XPR1: variants seen among roughly 807,000 people sequenced by gnomAD.
XPR1 encodes the protein xenotropic and polytropic retrovirus receptor 1.
In XPR1, 28 loss-of-function variants were observed where a neutral mutation model predicts 87.5. The ratio of observed to expected loss-of-function variants is 0.32; its 90% CI spans 0.24 to 0.44. XPR1 has a LOEUF of 0.44. XPR1 is among the 20% of genes least tolerant of loss of function. The pLI, the probability that XPR1 is intolerant of heterozygous loss-of-function variation, is 1.00. For synonymous variants in XPR1, 300 were observed against 306.1 expected (o/e 0.98, Z 0.21); for missense variants, 559 against 862.3 (o/e 0.65, Z 4.41).
At chr1:180,698,794 T>C (rs1196540674) in intron 2 of XPR1, among the ~76,000 whole-genome samples, 5 of 152,238 alleles carry the variant, frequency 3.3e-5, no homozygotes, top group Non-Finnish European at 7.3e-5. Flanking sequence ...TATTCTTGGC[T>C]GGCAGGTTTT....
Position 180,880,293 on chromosome 1 carries a change from T to G in XPR1, c.2026T>G (p.Ser676Ala). The G allele has an allele frequency of 6.2e-7, 1 of 1,614,200 alleles. No homozygotes were observed. Among genetic ancestry groups the G allele is most frequent in the African/African-American group, 1.3e-5 (1 of 75,054 alleles). ...ATCCCTGCGCCGGCCTCGCCTCGCT[T>G]CTCAGTATGTATGGCTTCTACTTCT... ...SISLRRPRLA[S>A]QSKARDTKVL... The change falls in exon 14 of 15, where the codon TCT becomes GCT. Residue 676 changes from serine to alanine, a missense_variant. This residue lies in a region of XPR1 where 80 missense variants were observed against 99.5 expected (regional missense o/e 0.80). Coordinates refer to ENST00000367590, the MANE Select transcript of XPR1 (RefSeq NM_004736.4).
chr1:180,728,781 T>C (rs1319280056), intron 2 of XPR1, among the ~76,000 whole-genome samples: 1 of 152,228 alleles, frequency 6.6e-6, no homozygotes, highest in Non-Finnish European at 1.5e-5. Flanking sequence ...CTTCACATTG[T>C]TTCCCTAATT....
intron 3 of XPR1, among the ~76,000 whole-genome samples, chr1:180,798,123 T>G (rs528786109): frequency 6.6e-6 from 1 of 152,042 alleles, no homozygotes; most frequent in East Asian, 1.9e-4. Context: ...AACACTAAAG[T>G]GATACATAAA....
In XPR1 at chr1:180,884,105, C is replaced by T; in HGVS notation, c.*39C>T. 6.3e-7 allele frequency: 1 copy of T among 1,596,836 alleles called. No individual in the cohort carries two copies. The highest frequency in any genetic ancestry group is 8.6e-7 in the Non-Finnish European group (1 of 1,165,890). On this transcript the variant is annotated 3_prime_UTR_variant, in exon 15 of 15. Coordinates refer to ENST00000367590, the MANE Select transcript of XPR1 (RefSeq NM_004736.4). ...TAGCTTAACATCTTTGGTTTTCCTA[C>T]TCTACAATCCTTTCCTCGACCAACG...
chr1:180,763,921 A>G lies in XPR1; in HGVS notation c.122-23832A>G, dbSNP rs61811194. ...TACACAATAACCCTTTAATCAAAAC[A>G]TAGAATTGTAGGTTGTTGCTGTTGT... On this transcript the variant is annotated intron_variant, in intron 2 of 14. Coordinates refer to ENST00000367590, the MANE Select transcript of XPR1 (RefSeq NM_004736.4). Among the ~76,000 whole-genome samples the G allele has an allele frequency of 7.5e-3, 1,136 of 152,326 alleles. 11 individuals carry two copies. Among genetic ancestry groups the G allele is most frequent in the African/African-American group, 0.025 (1,032 of 41,564 alleles).
At chr1:180,769,585 TC>T (rs1246865258) in intron 2 of XPR1, among the ~76,000 whole-genome samples, 1 of 152,104 alleles carries the variant, frequency 6.6e-6, no homozygotes, top group East Asian at 1.9e-4. Context: ...GATCTCCAGT[TC>T]CATCCATGTT....
chr1:180,853,791 G>GTT (rs374408714), intron 11 of XPR1, among the ~76,000 whole-genome samples: 2,406 of 109,372 alleles, frequency 0.022, 54 homozygotes, highest in African/African-American at 0.025. Flanking sequence ...CATTCATGTG[G>GTT]TTTTTTTTTT....
intron 7 of XPR1, among the ~76,000 whole-genome samples, chr1:180,820,937 G>A (rs1346629584): frequency 6.6e-6 from 1 of 151,372 alleles, no homozygotes; most frequent in African/African-American, 2.4e-5. Flanking sequence ...TTGTTAAGTT[G>A]TAAGAGTTCT....
At position 180,672,187 on chromosome 1, in the gene XPR1, A is replaced by G. The variant is rs1326719661; in HGVS notation, c.70-10173A>G. Among the ~76,000 whole-genome samples the G allele has an allele frequency of 4.6e-5, 7 of 152,290 alleles. No homozygotes were observed. The South Asian group carries it at 1.4e-3, about 32-fold the overall frequency. On this transcript the variant is annotated intron_variant, in intron 1 of 14. Transcript: ENST00000367590. Reference sequence around the variant, plus strand: ...TGATTCCTCCTATTACAGATTACATATATCTTATATATTTAATATACATTT... The same window carrying G: ...TGATTCCTCCTATTACAGATTACATGTATCTTATATATTTAATATACATTT...
intron 3 of XPR1, among the ~76,000 whole-genome samples, chr1:180,795,437 T>C (rs1413938007): frequency 6.6e-6 from 1 of 152,206 alleles, no homozygotes; most frequent in Non-Finnish European, 1.5e-5. Context: ...TGTTCTCATA[T>C]TCAGGTCACT....
At chr1:180,796,473 T>C (rs1367962683) in intron 3 of XPR1, among the ~76,000 whole-genome samples, 1 of 152,182 alleles carries the variant, frequency 6.6e-6, no homozygotes, top group Non-Finnish European at 1.5e-5. Flanking sequence ...AAGAGAGTCA[T>C]TACTTTAAAG....
At chr1:180,661,134 A>G (rs982998504) in intron 1 of XPR1, among the ~76,000 whole-genome samples, 1 of 151,410 alleles carries the variant, frequency 6.6e-6, no homozygotes, top group South Asian at 2.1e-4. Flanking sequence ...TTGTTTTGGA[A>G]TCTTTGGTGT....
intron 9 of XPR1, among the ~76,000 whole-genome samples, chr1:180,826,324 T>C (rs1650834363): frequency 6.6e-6 from 1 of 151,824 alleles, no homozygotes; most frequent in Middle Eastern, 3.2e-3. Context: ...CTGAGGTGAG[T>C]GGATCCCTTG....
intron 2 of XPR1, among the ~76,000 whole-genome samples, chr1:180,729,219 C>T (rs1194658464): frequency 1.3e-5 from 2 of 152,308 alleles, no homozygotes; most frequent in Admixed American, 6.5e-5. Flanking sequence ...ATATGTATCA[C>T]ATTTTTAAAA....
chr1:180,697,767 T>C (rs1360164904), intron 2 of XPR1, among the ~76,000 whole-genome samples: 1 of 152,186 alleles, frequency 6.6e-6, no homozygotes, highest in Non-Finnish European at 1.5e-5. Flanking sequence ...GAAGTTCCTC[T>C]TGTTATTGAT....
rs1367406191 is a variant in XPR1, at chr1:180,889,925, T to C, written c.*5859T>C. 1 of 152,224 alleles carries C rather than the reference T, an allele frequency of 6.6e-6. No homozygotes were observed. Among genetic ancestry groups the C allele is most frequent in the Non-Finnish European group, 1.5e-5 (1 of 68,046 alleles). 9.4% of individuals were successfully genotyped at this position (152,224 alleles called of 1,614,324 possible). On this transcript the variant is annotated 3_prime_UTR_variant, in exon 15 of 15. Transcript: ENST00000367590. ...TGTGGGTGCTTCCTTCCCTCTTTTT[T>C]CTCCCTCACTCTCTTTCTCAGTCTC...
chr1:180,825,495 C>T (rs1386047386), intron 9 of XPR1, 151 bp downstream of exon 9: 8 of 725,374 alleles, frequency 1.1e-5, no homozygotes, highest in Non-Finnish European at 1.6e-5. Context: ...AAAAAGTACT[C>T]ACGTATATTT....
Position 180,863,870 on chromosome 1 carries a change from A to C in XPR1, c.1664A>C (p.Gln555Pro). The C allele has an allele frequency of 1.3e-6, 2 of 1,593,776 alleles. No homozygotes were observed. Among genetic ancestry groups the C allele is most frequent in the Non-Finnish European group, 1.7e-6 (2 of 1,172,854 alleles). ...CTCCGGGAAGAGATTGTATACCCCC[A>C]AAAAGTATGTATAAAGAGTGTGTTT... Reference protein sequence around the residue: ...TFLREEIVYPQKAYYYCAIIE... With the variant: ...TFLREEIVYPPKAYYYCAIIE... Residue 555 changes from glutamine (Q) to proline (P), a missense_variant, in exon 12 of 15, where the codon CAA becomes CCA. Physicochemically the swap from Gln to Pro is moderately conservative, Grantham distance 76. This residue lies in a region of XPR1 where 264 missense variants were observed against 377.2 expected (regional missense o/e 0.70). Coordinates refer to ENST00000367590, the MANE Select transcript of XPR1 (RefSeq NM_004736.4).
At chr1:180,818,991 C>T (rs59929457) in intron 7 of XPR1, among the ~76,000 whole-genome samples, 6,543 of 152,138 alleles carry the variant, frequency 0.043, 504 homozygotes, top group African/African-American at 0.15. Context: ...TCTCTGTTGC[C>T]CAGGCTGGAG....
Sources: gnomAD v4.1 joint callset for allele counts (sites outside exome capture counted in the v4.1 genomes callset) on GRCh38, gnomAD v4.1.1 for gene constraint, gnomAD v4.1.1 regional missense constraint, MANE v1.5 for transcripts, NCBI Gene and HGNC (gene_info 2026-07-23, HGNC 2026-07-21) for gene names.